The following GOPC variants were observed in gnomAD, a reference collection of about 807,000 sequenced individuals.
GOPC encodes Golgi-associated PDZ and coiled-coil motif-containing protein.
In GOPC, 32 loss-of-function variants were observed where a neutral mutation model predicts 51.2. The observed-to-expected ratio is 0.63, with a 90% CI of 0.47 to 0.84. The LOEUF (loss-of-function observed/expected upper bound fraction) is 0.84, where lower values mean the gene tolerates loss of function less well. Ranked by LOEUF, GOPC falls within the 40% of genes least tolerant of loss-of-function variation. The pLI is 0.00. For synonymous variants in GOPC, 190 were observed against 205.1 expected, an observed-to-expected ratio of 0.93 and a Z score of 0.63; for missense variants, 441 against 555.5, an observed-to-expected ratio of 0.79 and a Z score of 2.07.
intron 1 of GOPC, among the ~76,000 whole-genome samples, chr6:117,586,119 A>G (rs1780028774): frequency 6.6e-6 from 1 of 152,218 alleles, no homozygotes; most frequent in Non-Finnish European, 1.5e-5. Context: ...GGATGAAAGT[A>G]CAGATTGGAA....
Position 117,602,399 on chromosome 6 carries a change from C to T in GOPC, c.-111G>A. 2 of 1,001,304 alleles carry T rather than the reference C, an allele frequency of 2.0e-6. No homozygotes were observed. The highest frequency in any genetic ancestry group is 2.8e-6 in the Non-Finnish European group (2 of 703,490). The allele number at this position is 1,001,304 out of a possible 1,614,324, so 62.0% of individuals were successfully genotyped here. On this transcript the variant is annotated 5_prime_UTR_variant, in exon 1 of 9. Transcript: ENST00000368498. ...CGCGCGCGCGGGCACACTCCGTCAC[C>T]TCCCTTCACCTCGCGCCGTTAACGC...
At chr6:117,563,680 C>G (rs1779635052) in intron 8 of GOPC, among the ~76,000 whole-genome samples, 1 of 151,336 alleles carries the variant, frequency 6.6e-6, no homozygotes, top group Non-Finnish European at 1.5e-5. Flanking sequence ...TGAGATCGTA[C>G]CACCGCACTC....
intron 1 of GOPC, among the ~76,000 whole-genome samples, chr6:117,591,532 G>A (rs1780116914): frequency 6.6e-6 from 1 of 152,210 alleles, no homozygotes; most frequent in Admixed American, 6.5e-5. Flanking sequence ...GAGAGGAGTG[G>A]AGTAAGGAAA....
At chr6:117,577,850 TCA>T (rs1396351423) in intron 2 of GOPC, among the ~76,000 whole-genome samples, 3 of 152,224 alleles carry the variant, frequency 2.0e-5, no homozygotes, top group East Asian at 1.9e-4. Flanking sequence ...TAACACAGAT[TCA>T]CAGAGTTAGA....
In GOPC at chr6:117,569,661, G is replaced by A; in HGVS notation, c.988C>T (p.Leu330=). The A allele has an allele frequency of 6.2e-7, 1 of 1,612,524 alleles. No individual in the cohort carries two copies. Among genetic ancestry groups the A allele is most frequent in the Non-Finnish European group, 8.5e-7 (1 of 1,179,514 alleles). The change falls in exon 7 of 9, where the codon CTG becomes TTG. Residue 330 remains leucine (L), a synonymous_variant. Coordinates refer to ENST00000368498, the MANE Select transcript of GOPC (RefSeq NM_020399.4). The part of the protein sequence containing the change: ...PGQPADRCGG[L]HVGDAILAVN... ...GCCAAAATAGCATCCCCAACGTGCA[G>A]CCCTCCGCATCTATCAGCAGGTTGC...
At chr6:117,577,960 C>T (rs944093345) in intron 2 of GOPC, among the ~76,000 whole-genome samples, 1 of 152,046 alleles carries the variant, frequency 6.6e-6, no homozygotes, top group Non-Finnish European at 1.5e-5. Flanking sequence ...ACAAATAAAA[C>T]TTATAAATGT....
At chr6:117,588,249 A>G (rs1465812268) in intron 1 of GOPC, among the ~76,000 whole-genome samples, 1 of 152,070 alleles carries the variant, frequency 6.6e-6, no homozygotes, top group Non-Finnish European at 1.5e-5. Flanking sequence ...AGCTGTACAG[A>G]AAGCATGGCT....
chr6:117,568,091 C>CA (rs1426493148), intron 7 of GOPC, among the ~76,000 whole-genome samples: 2 of 150,888 alleles, frequency 1.3e-5, no homozygotes, highest in Admixed American at 1.3e-4. Flanking sequence ...CTTAGCTACT[C>CA]AGGGGGCTGA....
chr6:117,594,978 A>G (rs190800931), intron 1 of GOPC, among the ~76,000 whole-genome samples: 794 of 152,014 alleles, frequency 5.2e-3, no homozygotes, highest in Admixed American at 0.01. Flanking sequence ...CCTAAAAGGA[A>G]AAGGCTGAGG....
At chr6:117,596,406 T>G (rs1770623148) in intron 1 of GOPC, among the ~76,000 whole-genome samples, 1 of 152,216 alleles carries the variant, frequency 6.6e-6, no homozygotes, top group South Asian at 2.1e-4. Flanking sequence ...TTAAGTCCCA[T>G]CTATTTATCT....
intron 4 of GOPC, among the ~76,000 whole-genome samples, chr6:117,574,588 T>C (rs1779851766): frequency 6.6e-6 from 1 of 152,192 alleles, no homozygotes; most frequent in Non-Finnish European, 1.5e-5. Context: ...CACAAAATAG[T>C]TGAAAAGTGC....
At chr6:117,570,092 A>G (rs1779777129) in intron 6 of GOPC, among the ~76,000 whole-genome samples, 1 of 152,182 alleles carries the variant, frequency 6.6e-6, no homozygotes, top group African/African-American at 2.4e-5. Flanking sequence ...TAAAATATGA[A>G]AATATATGCA....
intron 7 of GOPC, among the ~76,000 whole-genome samples, chr6:117,568,227 T>A (rs1303011189): frequency 1.3e-5 from 2 of 151,856 alleles, no homozygotes; most frequent in Non-Finnish European, 2.9e-5. Context: ...TTACAGATCG[T>A]TTTATGTTAA....
At chr6:117,599,051 C>T (rs983330341) in intron 1 of GOPC, among the ~76,000 whole-genome samples, 1 of 151,972 alleles carries the variant, frequency 6.6e-6, no homozygotes, top group Non-Finnish European at 1.5e-5. Context: ...AAGAATAGCC[C>T]TAATAGCCTA....
At chr6:117,597,308 G>C (rs1467819044) in intron 1 of GOPC, among the ~76,000 whole-genome samples, 1 of 152,090 alleles carries the variant, frequency 6.6e-6, no homozygotes, top group East Asian at 1.9e-4. Context: ...GGCTTTGTAG[G>C]TATACTATCA....
At chr6:117,575,529 T>A in intron 3 of GOPC, 177 bp from the exon 4 acceptor site, 1 of 762,394 alleles carries the variant, frequency 1.3e-6, no homozygotes, top group South Asian at 1.4e-5. Flanking sequence ...TGGAACTACT[T>A]CTAGATAAAA....
chr6:117,589,069 C>T (rs187883006), intron 1 of GOPC, among the ~76,000 whole-genome samples: 78 of 152,214 alleles, frequency 5.1e-4, no homozygotes, highest in African/African-American at 1.7e-3. Flanking sequence ...AAACAAATCA[C>T]GCAAAAAAAT....
intron 1 of GOPC, among the ~76,000 whole-genome samples, chr6:117,582,273 T>TAC (rs71012364): frequency 0.11 from 12,624 of 118,878 alleles, 940 homozygotes; most frequent in East Asian, 0.3. Flanking sequence ...CCTCCCCCCC[T>TAC]ACACACACAC....
At chr6:117,567,161 A>C (rs1239931817) in intron 7 of GOPC, 127 bp from the exon 8 acceptor site, 2 of 596,442 alleles carry the variant, frequency 3.4e-6, no homozygotes, top group Non-Finnish European at 5.4e-6. Context: ...CCAGAAAATA[A>C]ATAATAAAAT....
Sources: gnomAD v4.1 joint callset for allele counts (sites outside exome capture counted in the v4.1 genomes callset) on GRCh38, gnomAD v4.1.1 for gene constraint, MANE v1.5 for transcripts, NCBI Gene and HGNC (gene_info 2026-07-23, HGNC 2026-07-21) for gene names.